CDON: variants seen among roughly 807,000 people sequenced by gnomAD.
CDON encodes the protein cell adhesion associated, oncogene regulated.
In CDON, 73 loss-of-function variants were observed where a neutral mutation model predicts 120.9. The observed-to-expected ratio is 0.60, with a 90% CI of 0.50 to 0.73. The LOEUF is 0.73. CDON is among the 30% of genes least tolerant of loss of function. The pLI is 0.00. For missense variants in CDON, 1,470 were observed against 1,587.3 expected (o/e 0.93, Z 1.26); for synonymous variants, 566 against 573.5 (o/e 0.99, Z 0.19).
rs1310533312 is a variant in CDON, at chr11:125,958,814, C to T, written c.*2128G>A. 2 of 152,630 alleles carry T rather than the reference C, an allele frequency of 1.3e-5. No homozygotes were observed. The highest frequency in any genetic ancestry group is 3.9e-4 in the East Asian group (2 of 5,184). The allele number at this position is 152,630 out of a possible 1,614,324, so 9.5% of individuals were successfully genotyped here. On this transcript the variant is annotated 3_prime_UTR_variant, in exon 20 of 20. Coordinates refer to ENST00000531738, the MANE Select transcript of CDON (RefSeq NM_001378964.1). ...TCATGACCTAAGGCTCATGCTAATA[C>T]ACCTGTTTCCTAAATCAAAATGGCT...
chr11:126,029,203 A>AT (rs1363837637), intron 1 of CDON, among the ~76,000 whole-genome samples: 2 of 152,168 alleles, frequency 1.3e-5, no homozygotes. Context: ...TCTATTAGGG[A>AT]TTTTTTTAAA....
intron 1 of CDON, among the ~76,000 whole-genome samples, chr11:126,060,962 T>C (rs1312565993): frequency 1.3e-5 from 2 of 152,174 alleles, no homozygotes; most frequent in African/African-American, 4.8e-5. Flanking sequence ...GTTTAAGTAC[T>C]TTGCACAGAA....
intron 12 of CDON, among the ~76,000 whole-genome samples, chr11:125,996,753 C>T (rs1433518746): frequency 8.8e-6 from 1 of 114,232 alleles, no homozygotes; most frequent in Non-Finnish European, 1.9e-5. Context: ...GAAATATAAA[C>T]AATGATTATC....
At chr11:126,003,699 A>C (rs1947026405) in intron 10 of CDON, among the ~76,000 whole-genome samples, 1 of 152,166 alleles carries the variant, frequency 6.6e-6, no homozygotes, top group Admixed American at 6.5e-5. Flanking sequence ...ACGCACCTGT[A>C]GTCACAGCTA....
chr11:126,023,157 T>G (rs1017288245), intron 2 of CDON, among the ~76,000 whole-genome samples: 1 of 144,732 alleles, frequency 6.9e-6, no homozygotes, highest in Non-Finnish European at 1.5e-5. Flanking sequence ...GTATTTTTTT[T>G]TAAAAAATGA....
At chr11:125,963,873 G>A (rs527303032) in intron 18 of CDON, among the ~76,000 whole-genome samples, 1 of 152,308 alleles carries the variant, frequency 6.6e-6, no homozygotes, top group Admixed American at 6.5e-5. Context: ...AATAAATAGT[G>A]AAGAAAGCTC....
chr11:126,021,339 A>G lies in CDON; in HGVS notation c.258T>C (p.Ser86=). The change falls in exon 3 of 20, where the codon TCT becomes TCC. Residue 86 remains serine (S), a synonymous_variant. Transcript: ENST00000531738. Reference sequence around the variant, plus strand: ...AGTAACCCAAAAGAGAGGAGTTGAGAGAAAGAATTGTCAGAGTCCCCTGAT... The same window carrying G: ...AGTAACCCAAAAGAGAGGAGTTGAGGGAAAGAATTGTCAGAGTCCCCTGAT... The part of the protein sequence containing the change: ...KIHQGTLTIL[S]LNSSLLGYYQ... 1 of 1,614,166 alleles carries G rather than the reference A, an allele frequency of 6.2e-7. No individual in the cohort carries two copies. Among genetic ancestry groups the G allele is most frequent in the Non-Finnish European group, 8.5e-7 (1 of 1,180,006 alleles).
intron 10 of CDON, among the ~76,000 whole-genome samples, chr11:126,002,734 C>G (rs77489863): frequency 0.019 from 2,939 of 152,282 alleles, 57 homozygotes; most frequent in Middle Eastern, 0.034. Context: ...ATCCAGACTC[C>G]AGCCAGCTCA....
chr11:126,031,170 C>G (rs1179777109), intron 1 of CDON, among the ~76,000 whole-genome samples: 1 of 152,160 alleles, frequency 6.6e-6, no homozygotes, highest in African/African-American at 2.4e-5. Flanking sequence ...TTACTATATA[C>G]CAGGCACTGA....
chr11:126,003,647 C>T (rs761300907), intron 10 of CDON, among the ~76,000 whole-genome samples: 18 of 152,080 alleles, frequency 1.2e-4, no homozygotes, highest in African/African-American at 1.7e-4. Context: ...TGTGAAGCCC[C>T]GTCTCTACCA....
chr11:126,051,700 T>C (rs1260595832), intron 1 of CDON, among the ~76,000 whole-genome samples: 1 of 149,292 alleles, frequency 6.7e-6, no homozygotes, highest in Admixed American at 6.9e-5. Flanking sequence ...CAGGCTGGAG[T>C]GCAATGGTGC....
Position 126,015,252 on chromosome 11 carries a change from T to C in CDON, c.1187A>G (p.Glu396Gly), listed in dbSNP as rs1947428241. The C allele has an allele frequency of 6.2e-7, 1 of 1,613,804 alleles. No individual in the cohort carries two copies. The highest frequency in any genetic ancestry group is 1.3e-5 in the African/African-American group (1 of 74,930). ...ACCTAAAAGCCTACCATTTTCAATT[T>C]CAAGTCTTCCAGTAGAGTGCATAAA... is the stretch of plus-strand genomic sequence containing the variant. ...IGFMHSTGRL[E>G]IENDGGFKPV... The change falls in exon 7 of 20, where the codon GAA (glutamate) becomes GGA (glycine). Residue 396 changes from glutamate (E) to glycine (G), a missense_variant. Physicochemically the swap from Glu to Gly is moderately conservative, Grantham distance 98 (BLOSUM62 -2). Transcript: ENST00000531738.
At chr11:126,018,496 T>C in intron 4 of CDON, 23 bp from the exon 5 acceptor site, 1 of 1,610,070 alleles carries the variant, frequency 6.2e-7, no homozygotes, top group Non-Finnish European at 8.5e-7. Flanking sequence ...GGGAGTGCAG[T>C]TAGGCCTCTC....
rs1001879043 is a variant in CDON at position 126,034,930 on chromosome 11, T to G, written c.-61-11393A>C. Among the ~76,000 whole-genome samples the G allele has an allele frequency of 6.6e-6, 1 of 152,216 alleles. No homozygotes were observed. The highest frequency in any genetic ancestry group is 1.5e-5 in the Non-Finnish European group (1 of 68,044). Reference sequence around the variant, plus strand: ...TGCTAAGAACTAGCTATTGCAAAGATGTAGACACACATTTGACTAACTTCT... The same window carrying G: ...TGCTAAGAACTAGCTATTGCAAAGAGGTAGACACACATTTGACTAACTTCT... On this transcript the variant is annotated intron_variant, in intron 1 of 19. Transcript: ENST00000531738. The surrounding 1 kb of genome is among the most constrained non-coding windows in gnomAD (Gnocchi z 4.5).
Position 126,044,951 on chromosome 11 carries a change from ACT to A in CDON, c.-62+17626_-62+17627del, listed in dbSNP as rs1948363630. 2.6e-5 allele frequency among the ~76,000 whole-genome samples: 4 copies of A among 152,318 alleles called. No homozygotes were observed. The South Asian group carries it at 8.3e-4, about 32-fold the overall frequency. ...AATTACCCTGATTTGATCATTACAC[ACT>A]GTTATGCCTTCGTCAAAACATTACA... On this transcript the variant is annotated intron_variant, in intron 1 of 19. Coordinates refer to ENST00000531738, the MANE Select transcript of CDON (RefSeq NM_001378964.1).
intron 1 of CDON, among the ~76,000 whole-genome samples, chr11:126,041,222 T>C (rs1041123162): frequency 6.9e-6 from 1 of 144,434 alleles, no homozygotes; most frequent in South Asian, 2.2e-4. Flanking sequence ...AAAATTAAAA[T>C]AGTTTAACAA....
chr11:125,996,126 T>C (rs1946774280), intron 12 of CDON, among the ~76,000 whole-genome samples: 1 of 149,904 alleles, frequency 6.7e-6, no homozygotes, highest in East Asian at 2.0e-4. Flanking sequence ...TTTTGTCAAA[T>C]AACAAGCAAT....
chr11:126,038,640 G>A (rs894714335), intron 1 of CDON, among the ~76,000 whole-genome samples: 11 of 150,728 alleles, frequency 7.3e-5, no homozygotes, highest in African/African-American at 2.2e-4. Flanking sequence ...CAACAGGAGC[G>A]AAACTCCGTC....
At chr11:125,990,814 G>GTTTTGTTTTT (rs1329554489) in intron 14 of CDON, among the ~76,000 whole-genome samples, 9 of 152,182 alleles carry the variant, frequency 5.9e-5, no homozygotes, top group African/African-American at 2.2e-4. Flanking sequence ...CCCTTCACTT[G>GTTTTGTTTTT]TACAGACCCG....
Sources: gnomAD v4.1 joint callset for allele counts (sites outside exome capture counted in the v4.1 genomes callset) on GRCh38, gnomAD v4.1.1 for gene constraint, Gnocchi (gnomAD v3.1) non-coding constraint, MANE v1.5 for transcripts, NCBI Gene and HGNC (gene_info 2026-07-23, HGNC 2026-07-21) for gene names.